The following RABGAP1L variants were observed in gnomAD, a reference collection of about 807,000 sequenced individuals.
RABGAP1L encodes the protein RAB GTPase activating protein 1 like, also known as rab GTPase-activating protein 1-like.
In RABGAP1L, 63 loss-of-function variants were observed where a neutral mutation model predicts 137.7. The ratio of observed to expected loss-of-function variants is 0.46; its 90% CI spans 0.37 to 0.56. The LOEUF is 0.56. RABGAP1L is among the 20% of genes least tolerant of loss of function. The probability of loss-of-function intolerance (pLI) is 0.00; values close to 1 mark genes in which losing one functional copy is unlikely to be tolerated. For missense variants in RABGAP1L, 1,095 were observed against 1,244.0 expected, an observed-to-expected ratio of 0.88 and a Z score of 1.80; for synonymous variants, 431 against 433.7, an observed-to-expected ratio of 0.99 and a Z score of 0.08.
chr1:174,269,032 T>C (rs915926053), intron 7 of RABGAP1L, among the ~76,000 whole-genome samples: 11 of 152,076 alleles, frequency 7.2e-5, no homozygotes, highest in African/African-American at 2.7e-4. Flanking sequence ...AAGCTCTGCC[T>C]CCCCGGTTCA....
chr1:174,732,453 GT>G (rs1270251224), intron 17 of RABGAP1L, among the ~76,000 whole-genome samples: 1 of 152,142 alleles, frequency 6.6e-6, no homozygotes, highest in Non-Finnish European at 1.5e-5. Context: ...ATTCTGTCTA[GT>G]TTTATTTTTT....
At chr1:174,385,457 A>G (rs905278146) in intron 12 of RABGAP1L, among the ~76,000 whole-genome samples, 1 of 152,174 alleles carries the variant, frequency 6.6e-6, no homozygotes, top group Non-Finnish European at 1.5e-5. Context: ...GAGTTCAAGG[A>G]AAAGATAGGG....
At chr1:174,905,019 A>G (rs1658804638) in intron 19 of RABGAP1L, among the ~76,000 whole-genome samples, 1 of 151,840 alleles carries the variant, frequency 6.6e-6, no homozygotes. Flanking sequence ...CTCTTTGGGA[A>G]CTCCCTAGTT....
intron 18 of RABGAP1L, among the ~76,000 whole-genome samples, chr1:174,785,418 G>A (rs768506659): frequency 3.3e-5 from 5 of 152,196 alleles, no homozygotes; most frequent in African/African-American, 4.8e-5. Flanking sequence ...TTAGCTTATC[G>A]TTCAGCTACT....
chr1:174,823,139 T>C (rs1466894226), intron 19 of RABGAP1L, among the ~76,000 whole-genome samples: 1 of 152,204 alleles, frequency 6.6e-6, no homozygotes, highest in Non-Finnish European at 1.5e-5. Flanking sequence ...TTATTTTTCT[T>C]CAAAAACTTT....
intron 19 of RABGAP1L, among the ~76,000 whole-genome samples, chr1:174,900,528 G>A (rs1288002247): frequency 1.3e-5 from 2 of 152,178 alleles, no homozygotes; most frequent in South Asian, 4.1e-4. Flanking sequence ...GAGTTGCAAA[G>A]CCATTCACAT....
chr1:174,585,902 G>A (rs755872516), intron 13 of RABGAP1L, among the ~76,000 whole-genome samples: 12 of 152,284 alleles, frequency 7.9e-5, no homozygotes, highest in Middle Eastern at 3.4e-3. Context: ...TATTAAAGAA[G>A]ATTCTGCTTA....
At chr1:174,707,521 A>G (rs1014544059) in intron 17 of RABGAP1L, among the ~76,000 whole-genome samples, 2 of 152,198 alleles carry the variant, frequency 1.3e-5, no homozygotes, top group Admixed American at 6.5e-5. Context: ...TTTTTAGTCA[A>G]CCTTTCCTAG....
intron 13 of RABGAP1L, among the ~76,000 whole-genome samples, chr1:174,582,920 C>T (rs1572397943): frequency 6.6e-6 from 1 of 152,012 alleles, no homozygotes; most frequent in Non-Finnish European, 1.5e-5. Context: ...CTTTTCTTAA[C>T]CAAAAATAGC....
chr1:174,440,957 C>T (rs559826935), intron 13 of RABGAP1L, among the ~76,000 whole-genome samples: 169 of 152,030 alleles, frequency 1.1e-3, no homozygotes, highest in Non-Finnish European at 2.1e-3. Flanking sequence ...GCTAATGGTC[C>T]TTTCTGGCTT....
intron 1 of RABGAP1L, among the ~76,000 whole-genome samples, chr1:174,186,366 T>G (rs1358634787): frequency 6.6e-6 from 1 of 152,212 alleles, no homozygotes; most frequent in African/African-American, 2.4e-5. Flanking sequence ...CACAAAGTTA[T>G]AGCTAACAAT....
At chr1:174,528,182 T>C (rs1388475913) in intron 13 of RABGAP1L, among the ~76,000 whole-genome samples, 2 of 152,164 alleles carry the variant, frequency 1.3e-5, no homozygotes, top group African/African-American at 2.4e-5. Flanking sequence ...GTTGCTGTCA[T>C]ATAGTCAATT....
At chr1:174,198,383 A>G (rs1558024512) in intron 1 of RABGAP1L, among the ~76,000 whole-genome samples, 1 of 152,228 alleles carries the variant, frequency 6.6e-6, no homozygotes, top group Non-Finnish European at 1.5e-5. Flanking sequence ...AACCAGCCTC[A>G]CAATGACTTT....
At chr1:174,262,227 A>G (rs2148631948) in intron 7 of RABGAP1L, among the ~76,000 whole-genome samples, 1 of 152,320 alleles carries the variant, frequency 6.6e-6, no homozygotes, top group South Asian at 2.1e-4. Flanking sequence ...GAAACTTGTA[A>G]TCAGGACAGA....
At chr1:174,969,229 T>C (rs1465303018) in intron 20 of RABGAP1L, 48 bp from the exon 21 acceptor site, 1 of 1,391,332 alleles carries the variant, frequency 7.2e-7, no homozygotes, top group Non-Finnish European at 1.0e-6. Flanking sequence ...TGTTCGTTTC[T>C]GTATGTCCAG....
chr1:174,234,860 T>A (rs1671018783), intron 4 of RABGAP1L, among the ~76,000 whole-genome samples: 1 of 145,016 alleles, frequency 6.9e-6, no homozygotes. Flanking sequence ...CCTTGGGCAG[T>A]ATGGCCATTT....
chr1:174,858,463 G>A (rs1233354950), intron 19 of RABGAP1L, among the ~76,000 whole-genome samples: 1 of 152,148 alleles, frequency 6.6e-6, no homozygotes, highest in Non-Finnish European at 1.5e-5. Context: ...AGAGGCCAAT[G>A]ATTGTGCAAA....
At chr1:174,378,997 C>G (rs1685855109) in intron 12 of RABGAP1L, among the ~76,000 whole-genome samples, 2 of 131,690 alleles carry the variant, frequency 1.5e-5, no homozygotes, top group Non-Finnish European at 3.1e-5. Flanking sequence ...TTTCAGCTTT[C>G]TACATATGGC....
intron 19 of RABGAP1L, among the ~76,000 whole-genome samples, chr1:174,867,350 A>G (rs74622344): frequency 6.6e-6 from 1 of 151,720 alleles, no homozygotes. Flanking sequence ...CAAAAAAAAA[A>G]GATAGATAGA....
Sources: allele counts gnomAD v4.1 joint callset (sites outside exome capture counted in the v4.1 genomes callset), GRCh38; gene constraint gnomAD v4.1.1; transcripts MANE v1.5; gene names NCBI Gene and HGNC (gene_info 2026-07-23, HGNC 2026-07-21).